KCNN2: variants seen among roughly 807,000 people sequenced by gnomAD.
The protein encoded by KCNN2 is potassium calcium-activated channel subfamily N member 2.
A neutral mutation model predicts 55.5 loss-of-function variants in KCNN2; 24 were observed. The observed-to-expected ratio is 0.43, with a 90% confidence interval of 0.31 to 0.61. The LOEUF (loss-of-function observed/expected upper bound fraction) is 0.61, where lower values mean the gene tolerates loss of function less well. KCNN2 is among the 20% of genes least tolerant of loss of function. The pLI, the probability that KCNN2 is intolerant of heterozygous loss-of-function variation, is 0.08. For missense variants in KCNN2, 754 were observed against 853.6 expected (o/e 0.88, Z 1.45); for synonymous variants, 431 against 336.1 (o/e 1.28, Z -3.09).
chr5:114,214,479 T>G (rs896362485), intron 1 of KCNN2, among the ~76,000 whole-genome samples: 40 of 152,074 alleles, frequency 2.6e-4, no homozygotes, highest in African/African-American at 9.2e-4. Flanking sequence ...AGGCAAACAC[T>G]CAACTAAAGC....
chr5:114,300,413 G>A (rs1292793825), intron 2 of KCNN2, among the ~76,000 whole-genome samples: 3 of 152,088 alleles, frequency 2.0e-5, no homozygotes, highest in Admixed American at 6.5e-5. Context: ...CATAATTAAA[G>A]CAATTACATT....
At chr5:114,231,644 C>G (rs887068293) in intron 2 of KCNN2, among the ~76,000 whole-genome samples, 3 of 151,112 alleles carry the variant, frequency 2.0e-5, no homozygotes, top group Non-Finnish European at 2.9e-5. Context: ...TCTTTTACTT[C>G]TAAGATTTTT....
chr5:114,262,147 G>A (rs935955330), intron 2 of KCNN2, among the ~76,000 whole-genome samples: 2 of 152,074 alleles, frequency 1.3e-5, no homozygotes, highest in Non-Finnish European at 1.5e-5. Context: ...CTATATTTTC[G>A]AATTTGGCTT....
intron 4 of KCNN2, among the ~76,000 whole-genome samples, chr5:114,466,203 T>C (rs1193488195): frequency 6.6e-6 from 1 of 151,948 alleles, no homozygotes; most frequent in African/African-American, 2.4e-5. Flanking sequence ...ATGGTTGTAA[T>C]TACTTATTTT....
chr5:114,226,564 G>A (rs974977694), intron 2 of KCNN2, among the ~76,000 whole-genome samples: 3 of 152,030 alleles, frequency 2.0e-5, no homozygotes, highest in Non-Finnish European at 2.9e-5. Flanking sequence ...CAATTTTATT[G>A]TTGCCACTAT....
chr5:114,142,106 CT>C (rs1448480105), intron 1 of KCNN2, among the ~76,000 whole-genome samples: 2 of 152,104 alleles, frequency 1.3e-5, no homozygotes, highest in African/African-American at 4.8e-5. Flanking sequence ...ATGGTAGTTT[CT>C]TTTGCCGTGC....
At chr5:114,491,834 C>T (rs934427941) in intron 6 of KCNN2, among the ~76,000 whole-genome samples, 2 of 151,944 alleles carry the variant, frequency 1.3e-5, no homozygotes, top group African/African-American at 4.8e-5. Context: ...TAATGACCCA[C>T]GGATGTCTAA....
intron 3 of KCNN2, among the ~76,000 whole-genome samples, chr5:114,414,078 T>C (rs1435918295): frequency 1.3e-5 from 2 of 152,220 alleles, no homozygotes; most frequent in African/African-American, 4.8e-5. Context: ...AAAATGCAAG[T>C]GCTTCCTACT....
intron 1 of KCNN2, among the ~76,000 whole-genome samples, chr5:114,196,605 G>T (rs1362297851): frequency 6.6e-6 from 1 of 151,728 alleles, no homozygotes; most frequent in African/African-American, 2.4e-5. Flanking sequence ...CTAGGAATTT[G>T]TTCATTTCAT....
Position 114,355,404 on chromosome 5 carries a change from C to A in KCNN2, c.-184-5541C>A, listed in dbSNP as rs531213474. On this transcript the variant is annotated intron_variant, in intron 2 of 10. Coordinates refer to the KCNN2 transcript ENST00000512097. ...CACTGGATTTCAAAGGGAAAATAAA[C>A]CTTCAGTTTTTAGCCTCCCTATGTT... is the stretch of plus-strand genomic sequence containing the variant. Among the ~76,000 whole-genome samples, 4 of 152,158 alleles carry A rather than the reference C, an allele frequency of 2.6e-5. No individual in the cohort carries two copies. The East Asian group carries it at 7.7e-4, about 29-fold the overall frequency.
At chr5:114,168,369 C>T (rs973307909) in intron 1 of KCNN2, among the ~76,000 whole-genome samples, 1 of 151,886 alleles carries the variant, frequency 6.6e-6, no homozygotes, top group Admixed American at 6.6e-5. Context: ...CTATTTTTGC[C>T]TAAAAGACGC....
chr5:114,165,045 G>A lies in KCNN2; in HGVS notation c.-270-56435G>A, dbSNP rs1179020788. 3.3e-5 allele frequency among the ~76,000 whole-genome samples: 5 copies of A among 152,186 alleles called. No individual in the cohort carries two copies. The East Asian group carries it at 5.8e-4, about 18-fold the overall frequency. ...TAACTTGCCTAAAGCCACACAGCAA[G>A]CAAGTGTTAAAGGTCGGATACAAAT... On this transcript the variant is annotated intron_variant, in intron 1 of 10. Coordinates refer to the KCNN2 transcript ENST00000512097.
At chr5:114,382,044 G>A (rs1421507256) in intron 2 of KCNN2, among the ~76,000 whole-genome samples, 6 of 152,180 alleles carry the variant, frequency 3.9e-5, no homozygotes, top group Non-Finnish European at 5.9e-5. Context: ...ATGACAGATT[G>A]TTATCCTGTT....
At chr5:114,117,417 C>A (rs922147235) in intron 1 of KCNN2, among the ~76,000 whole-genome samples, 1 of 152,188 alleles carries the variant, frequency 6.6e-6, no homozygotes, top group Non-Finnish European at 1.5e-5. Context: ...ACAGCTTATT[C>A]CCTGACAGGG....
chr5:114,064,075 A>T (rs1327543348), intron 1 of KCNN2, among the ~76,000 whole-genome samples: 1 of 152,114 alleles, frequency 6.6e-6, no homozygotes, highest in Admixed American at 6.5e-5. Context: ...CTTGTGTTCT[A>T]CTCCCAGAGA....
At chr5:114,100,701 G>T (rs1751356277) in intron 1 of KCNN2, among the ~76,000 whole-genome samples, 2 of 152,066 alleles carry the variant, frequency 1.3e-5, no homozygotes, top group African/African-American at 4.8e-5. Flanking sequence ...TAAATGAAAG[G>T]AACTAAGGCT....
At chr5:114,076,997 G>T (rs1160323785) in intron 1 of KCNN2, among the ~76,000 whole-genome samples, 1 of 152,122 alleles carries the variant, frequency 6.6e-6, no homozygotes, top group Admixed American at 6.5e-5. Flanking sequence ...GCCCGGCCAA[G>T]AACTTTTTAA....
chr5:114,492,296 ACCTTT>A (rs1747895388), intron 6 of KCNN2, among the ~76,000 whole-genome samples: 1 of 152,152 alleles, frequency 6.6e-6, no homozygotes, highest in African/African-American at 2.4e-5. Flanking sequence ...CTACATAATT[ACCTTT>A]CATTTCAATT....
chr5:114,281,581 G>A (rs547694349), intron 2 of KCNN2, among the ~76,000 whole-genome samples: 2 of 144,480 alleles, frequency 1.4e-5, no homozygotes, highest in East Asian at 2.0e-4. Flanking sequence ...TTTCTCTCTT[G>A]TCAATCTCTG....
Sources: gnomAD v4.1 joint callset for allele counts (sites outside exome capture counted in the v4.1 genomes callset) on GRCh38, gnomAD v4.1.1 for gene constraint, MANE v1.5 for transcripts, NCBI Gene and HGNC (gene_info 2026-07-23, HGNC 2026-07-21) for gene names.